Variants in TUT4 observed in about 807,000 individuals in gnomAD.
The protein encoded by TUT4 is terminal uridylyltransferase 4.
A neutral mutation model predicts 192.2 loss-of-function variants in TUT4; 36 were observed. The observed-to-expected ratio is 0.19, with a 90% CI of 0.14 to 0.25. The LOEUF (loss-of-function observed/expected upper bound fraction) is 0.25. Among genes scored for constraint, TUT4 ranks in the 10% least tolerant of loss-of-function variants. The probability of loss-of-function intolerance (pLI) is 1.00; values close to 1 mark genes in which losing one functional copy is unlikely to be tolerated. For synonymous variants in TUT4, 618 were observed against 666.0 expected (o/e 0.93, Z 1.11); for missense variants, 1,493 against 1,957.2 (o/e 0.76, Z 4.47).
chr1:52,544,610 G>A (rs530603180), intron 1 of TUT4, among the ~76,000 whole-genome samples: 27 of 152,202 alleles, frequency 1.8e-4, no homozygotes, highest in African/African-American at 5.8e-4. Flanking sequence ...GCTCTTAGAC[G>A]AAAACAAAAG....
intron 14 of TUT4, among the ~76,000 whole-genome samples, chr1:52,470,106 T>C (rs981972596): frequency 6.6e-6 from 1 of 151,940 alleles, no homozygotes; most frequent in Admixed American, 6.6e-5. Flanking sequence ...TGCCTAATTC[T>C]AGGAGTAGGG....
At chr1:52,523,884 C>T (rs922412847) in intron 2 of TUT4, among the ~76,000 whole-genome samples, 4 of 152,078 alleles carry the variant, frequency 2.6e-5, no homozygotes. Context: ...AATTCTTTAC[C>T]AGTGTTTCTC....
At chr1:52,530,617 A>G (rs7512677) in intron 1 of TUT4, among the ~76,000 whole-genome samples, 27,756 of 152,022 alleles carry the variant, frequency 0.18, 2,700 homozygotes, top group African/African-American at 0.25. Flanking sequence ...GCTATTTTCA[A>G]TTTTTTCTTT....
At chr1:52,514,433 T>G (rs964887446) in intron 3 of TUT4, among the ~76,000 whole-genome samples, 1 of 152,112 alleles carries the variant, frequency 6.6e-6, no homozygotes, top group Non-Finnish European at 1.5e-5. Context: ...AGAGCGAGAC[T>G]CTGTCTCAAA....
chr1:52,431,710 T>A, intron 27 of TUT4: 1 of 261,286 alleles, frequency 3.8e-6, no homozygotes, highest in Non-Finnish European at 7.1e-6. Flanking sequence ...TACTTCCTAT[T>A]GCAAACTCAA....
chr1:52,541,398 G>A (rs1686619886), intron 1 of TUT4, among the ~76,000 whole-genome samples: 1 of 151,822 alleles, frequency 6.6e-6, no homozygotes, highest in South Asian at 2.1e-4. Flanking sequence ...TGAACATGGT[G>A]GCAGGCGCCA....
At chr1:52,470,937 T>C (rs1008702040) in intron 14 of TUT4, among the ~76,000 whole-genome samples, 4 of 151,114 alleles carry the variant, frequency 2.6e-5, no homozygotes, top group African/African-American at 9.7e-5. Flanking sequence ...GGCTTATCTC[T>C]CTCTATTGCC....
chr1:52,435,184 C>T, intron 27 of TUT4, 181 bp downstream of exon 27: 1 of 412,570 alleles, frequency 2.4e-6, no homozygotes, highest in South Asian at 7.4e-5. Flanking sequence ...GACAGAAACC[C>T]AGATCTACAT....
At chr1:52,430,875 A>G (rs943371680) in intron 28 of TUT4, 138 bp downstream of exon 28, 3 of 941,320 alleles carry the variant, frequency 3.2e-6, no homozygotes, top group Non-Finnish European at 4.5e-6. Context: ...TCCAGAGCCC[A>G]TATTCTTAAT....
chr1:52,499,959 C>CACAT (rs1342127564), intron 4 of TUT4, among the ~76,000 whole-genome samples: 8 of 150,684 alleles, frequency 5.3e-5, no homozygotes, highest in African/African-American at 1.7e-4. Flanking sequence ...CACACACACA[C>CACAT]ATATATATAT....
intron 1 of TUT4, among the ~76,000 whole-genome samples, chr1:52,544,603 C>T (rs1184788802): frequency 6.6e-6 from 1 of 152,112 alleles, no homozygotes; most frequent in East Asian, 1.9e-4. Context: ...CTATAAGGCT[C>T]TTAGACGAAA....
chr1:52,525,926 C>T lies in TUT4; in HGVS notation c.355G>A (p.Glu119Lys). The T allele has an allele frequency of 6.2e-7, 1 of 1,614,050 alleles. No homozygotes were observed. The highest frequency in any genetic ancestry group is 2.2e-5 in the East Asian group (1 of 44,870). ...TTTGCCTGTAAACTGGTTGCCTTTT[C>T]TGATTTTGCCTGTGAAATGGTTGCC... ...EKATISQAKS[E>K]KATSLQAKAE... The change falls in exon 2 of 30, where the codon GAA becomes AAA. Residue 119 changes from glutamate (E) to lysine (K), a missense_variant. Coordinates refer to ENST00000257177, the MANE Select transcript of TUT4 (RefSeq NM_001009881.3).
At chr1:52,530,664 T>C (rs1342953565) in intron 1 of TUT4, among the ~76,000 whole-genome samples, 1 of 152,168 alleles carries the variant, frequency 6.6e-6, no homozygotes, top group East Asian at 1.9e-4. Context: ...CCCAAAAAGA[T>C]GTAATTCCTA....
At chr1:52,531,337 C>T (rs1198106730) in intron 1 of TUT4, among the ~76,000 whole-genome samples, 1 of 151,914 alleles carries the variant, frequency 6.6e-6, no homozygotes, top group Non-Finnish European at 1.5e-5. Flanking sequence ...ACGATCCTCC[C>T]AGCTGATGTG....
intron 14 of TUT4, chr1:52,468,536 T>A: frequency 3.3e-6 from 1 of 306,826 alleles, no homozygotes; most frequent in African/African-American, 2.2e-5. Context: ...TTTCACATGA[T>A]CATTTTCCGT....
At position 52,460,945 on chromosome 1, in the gene TUT4, C is replaced by T. The variant is rs1015753240; in HGVS notation, c.3321+189G>A. On this transcript the variant is annotated intron_variant, in intron 19 of 29. Transcript: ENST00000257177. ...GTCAGTTGCACATGGGAATAGAATA[C>T]ATACAGGAAAAAAAGACAGAGCCAC... is the stretch of plus-strand genomic sequence containing the variant. 2.1e-4 allele frequency: 82 copies of T among 383,608 alleles called. 1 individual carries two copies. Among genetic ancestry groups the T allele is most frequent in the Non-Finnish European group, 3.4e-4 (73 of 215,576 alleles). 23.8% of individuals were successfully genotyped at this position (383,608 alleles called of 1,614,324 possible). A position where few individuals can be genotyped will look rare whatever the true frequency, so the allele number is the denominator to read the frequency against.
intron 26 of TUT4, 39 bp downstream of exon 26, chr1:52,436,716 C>T (rs569002401): frequency 1.2e-5 from 20 of 1,609,828 alleles, no homozygotes; most frequent in South Asian, 1.1e-4. Context: ...TAAATGACTT[C>T]GTTTCTACCA....
At chr1:52,488,758 C>A in intron 9 of TUT4, 151 bp downstream of exon 9, 1 of 758,802 alleles carries the variant, frequency 1.3e-6, no homozygotes, top group South Asian at 3.7e-5. Flanking sequence ...TACAACCTGC[C>A]ACACCAACTT....
At chr1:52,489,968 T>C (rs1365226986) in intron 8 of TUT4, among the ~76,000 whole-genome samples, 1 of 152,204 alleles carries the variant, frequency 6.6e-6, no homozygotes, top group Non-Finnish European at 1.5e-5. Flanking sequence ...TAGGATTTAG[T>C]TTCTGCTTTC....
Sources: allele counts gnomAD v4.1 joint callset (sites outside exome capture counted in the v4.1 genomes callset), GRCh38; gene constraint gnomAD v4.1.1; transcripts MANE v1.5; gene names NCBI Gene and HGNC (gene_info 2026-07-23, HGNC 2026-07-21).